Variants in ARHGEF1 observed in about 807,000 individuals in gnomAD.
The protein encoded by ARHGEF1 is Rho guanine nucleotide exchange factor 1.
In ARHGEF1, 40 loss-of-function variants were observed where a neutral mutation model predicts 119.7. The ratio of observed to expected loss-of-function variants is 0.33; its 90% CI spans 0.26 to 0.44. The LOEUF is 0.44. Ranked by LOEUF, ARHGEF1 falls within the 20% of genes least tolerant of loss-of-function variation. ARHGEF1 has a pLI of 1.00. For missense variants in ARHGEF1, 976 were observed against 1,268.3 expected (o/e 0.77, Z 3.50); for synonymous variants, 494 against 521.0 (o/e 0.95, Z 0.71).
At position 41,903,260 on chromosome 19, in the gene ARHGEF1, C is replaced by T. The variant is rs1192325108; in HGVS notation, c.1739-47C>T. 6.4e-7 allele frequency: 1 copy of T among 1,567,774 alleles called. No homozygotes were observed. The highest frequency in any genetic ancestry group is 8.8e-7 in the Non-Finnish European group (1 of 1,139,886). On this transcript the variant is annotated intron_variant, in intron 18 of 28. Transcript: ENST00000354532. The surrounding 1 kb of genome is among the most constrained non-coding windows in gnomAD (Gnocchi z 4.2). ...CTAACCTTGGCTGCCCAATCTGGAG[C>T]CTCCAGGGCAGGGGTTCACCAGAGC...
intron 1 of ARHGEF1, chr19:41,928,583 G>GAT (rs1267534270): frequency 2.7e-5 from 5 of 182,774 alleles, no homozygotes; most frequent in Non-Finnish European, 4.6e-5. Context: ...TCGGCTCGCA[G>GAT]ATATATGGAG....
At position 41,903,428 on chromosome 19, in the gene ARHGEF1, C is replaced by T. The variant is rs782344496; in HGVS notation, c.1839+21C>T. 9 of 1,609,256 alleles carry T rather than the reference C, an allele frequency of 5.6e-6. No homozygotes were observed. In the South Asian group the frequency reaches 7.7e-5, roughly 14 times the overall value. ...TGCTGGTGAGCCTGGGCTGGCCCCA[C>T]ACCCGGGACAGTGGATGGTGTGAGA... On this transcript the variant is annotated intron_variant, in intron 19 of 28. Coordinates refer to ENST00000354532, the MANE Select transcript of ARHGEF1 (RefSeq NM_004706.4). The surrounding 1 kb of genome is among the most constrained non-coding windows in gnomAD (Gnocchi z 4.2).
rs1464070216 is a variant in ARHGEF1, at chr19:41,892,573, G to A, written c.368-30G>A. Reference sequence around the variant, plus strand: ...CCGTGGTCCAAGCCACCAGGGAGCTGGACCCTAGCCCCCATGTGTGTCCCT... The same window carrying A: ...CCGTGGTCCAAGCCACCAGGGAGCTAGACCCTAGCCCCCATGTGTGTCCCT... On this transcript the variant is annotated intron_variant, in intron 6 of 28. Transcript: ENST00000354532. This position sits in a 1 kb window ranked among gnomAD's most constrained non-coding sequence, Gnocchi z 6.3. The A allele has an allele frequency of 6.4e-7, 1 of 1,567,754 alleles. No homozygotes were observed. The highest frequency in any genetic ancestry group is 8.7e-7 in the Non-Finnish European group (1 of 1,152,106).
Position 41,906,166 on chromosome 19 carries a change from C to T in ARHGEF1, c.2491+141C>T, listed in dbSNP as rs1233749996. On this transcript the variant is annotated intron_variant, in intron 26 of 28. Coordinates refer to ENST00000354532, the MANE Select transcript of ARHGEF1 (RefSeq NM_004706.4). The surrounding 1 kb of genome is among the most constrained non-coding windows in gnomAD (Gnocchi z 4.5). The stretch of plus-strand genomic sequence containing the variant: ...TGCTCCAAACCCACCCAGCCTGCAC[C>T]ACTGTCCTGGGTGCCCACGTCCCTC... 8.6e-6 allele frequency: 7 copies of T among 813,052 alleles called. No homozygotes were observed. The highest frequency in any genetic ancestry group is 6.6e-5 in the South Asian group (4 of 60,964). The allele number at this position is 813,052 out of a possible 1,614,324, so 50.4% of individuals were successfully genotyped here.
At position 41,902,676 on chromosome 19, in the gene ARHGEF1, C is replaced by T. The variant is rs782345775; in HGVS notation, c.1623+18C>T. The T allele has an allele frequency of 3.7e-6, 6 of 1,613,982 alleles. 1 individual carries two copies. The South Asian group carries it at 4.4e-5, about 12-fold the overall frequency. ...TCGTGCAGGTGAGGTGGGGTCTGGA[C>T]TCCAGCTTCCCAGGGAGGAGGGGCC... is the stretch of plus-strand genomic sequence containing the variant. On this transcript the variant is annotated intron_variant, in intron 17 of 28. Transcript: ENST00000354532. The surrounding 1 kb of genome is among the most constrained non-coding windows in gnomAD (Gnocchi z 6.5).
rs782199150 is a variant in ARHGEF1 at position 41,905,719 on chromosome 19, G to T, written c.2337-41G>T. The T allele has an allele frequency of 1.2e-6, 2 of 1,609,826 alleles. No homozygotes were observed. The highest frequency in any genetic ancestry group is 3.3e-5 in the Admixed American group (2 of 59,806). On this transcript the variant is annotated intron_variant, in intron 24 of 28. Transcript: ENST00000354532. This position sits in a 1 kb window ranked among gnomAD's most constrained non-coding sequence, Gnocchi z 6.4. The stretch of plus-strand genomic sequence containing the variant: ...GTCTCCCTGCCCCTGCGGCCCCCCA[G>T]GGCCAGGGGTGTGGGGTCACCCAGC...
At chr19:41,913,958 C>A (rs1476003203) in intron 18 of ARHGEF1, among the ~76,000 whole-genome samples, 1 of 150,812 alleles carries the variant, frequency 6.6e-6, no homozygotes, top group African/African-American at 2.4e-5. Flanking sequence ...ACCCCCCAGA[C>A]GCTCTCAAAA....
downstream of ARHGEF1, chr19:41,909,911 CG>C: frequency 6.2e-7 from 1 of 1,613,582 alleles, no homozygotes; most frequent in South Asian, 1.1e-5. The surrounding 1 kb of genome is among the most constrained non-coding windows in gnomAD (Gnocchi z 5.2). Flanking sequence ...CTTGCATTTG[CG>C]AATACCCCAC....
Position 41,906,865 on chromosome 19 carries a change from G to A in ARHGEF1, c.*17+62G>A, listed in dbSNP as rs1175885344. On this transcript the variant is annotated intron_variant, in intron 28 of 28. Coordinates refer to ENST00000354532, the MANE Select transcript of ARHGEF1 (RefSeq NM_004706.4). The surrounding 1 kb of genome is among the most constrained non-coding windows in gnomAD (Gnocchi z 4.5). ...AAAGGAGGGTCCCCCTCCAGAGCTC[G>A]CATCCCTACAGCCCCTTCTGTCCAT... 20 of 1,312,554 alleles carry A rather than the reference G, an allele frequency of 1.5e-5. No homozygotes were observed. Among genetic ancestry groups the A allele is most frequent in the Non-Finnish European group, 1.8e-5 (17 of 952,556 alleles). 81.3% of individuals were successfully genotyped at this position (1,312,554 alleles called of 1,614,324 possible).
At chr19:41,911,732 A>G (rs1215465121), downstream of ARHGEF1, among the ~76,000 whole-genome samples, 2 of 152,164 alleles carry the variant, frequency 1.3e-5, no homozygotes, top group African/African-American at 4.8e-5. Flanking sequence ...TGTATCACAG[A>G]CACACCCACA....
intron 1 of ARHGEF1, chr19:41,884,414 G>A: frequency 6.3e-7 from 1 of 1,598,792 alleles, no homozygotes; most frequent in Non-Finnish European, 8.5e-7. Context: ...CGCGGCGGCA[G>A]GGGTGGGGAG....
exon 3 of ARHGEF1, chr19:41,930,011 G>T: frequency 6.6e-6 from 1 of 152,386 alleles, no homozygotes. Context: ...CTCCTAGAGT[G>T]GTTGGGAAGG....
chr19:41,909,509 G>C (rs1342885466), downstream of ARHGEF1: 2 of 1,247,762 alleles, frequency 1.6e-6, no homozygotes. This position sits in a 1 kb window ranked among gnomAD's most constrained non-coding sequence, Gnocchi z 5.2. Flanking sequence ...GGTGCAGGGG[G>C]AGCCCTGGGG....
upstream of ARHGEF1, among the ~76,000 whole-genome samples, chr19:41,921,049 G>A (rs868973705): frequency 7.2e-5 from 11 of 152,246 alleles, no homozygotes; most frequent in African/African-American, 2.7e-4. The surrounding 1 kb of genome is among the most constrained non-coding windows in gnomAD (Gnocchi z 4.4). Context: ...TGTCAGTTGA[G>A]GGGTGGCGAG....
In ARHGEF1 at chr19:41,916,214, A is replaced by T. The variant is rs112123104; in HGVS notation, c.1866-6878A>T. Among the ~76,000 whole-genome samples, 4,075 of 151,256 alleles carry T rather than the reference A, an allele frequency of 0.027. 186 individuals carry two copies. Among genetic ancestry groups the T allele is most frequent in the African/African-American group, 0.093 (3,836 of 41,208 alleles). On this transcript the variant is annotated intron_variant, in intron 18 of 20. Transcript: ENST00000599589. The surrounding 1 kb of genome is among the most constrained non-coding windows in gnomAD (Gnocchi z 5.4). Reference sequence around the variant, plus strand: ...GTCCCACACAGCACACATCGCACAGATGCACACACCAGCACAGCCACACAC... The same window carrying T: ...GTCCCACACAGCACACATCGCACAGTTGCACACACCAGCACAGCCACACAC...
In ARHGEF1 at chr19:41,902,863, AC is replaced by A; in HGVS notation, c.1708del (p.Leu570CysfsTer44). On this transcript the variant is annotated frameshift_variant, in exon 18 of 29. Transcript: ENST00000354532. LOFTEE classifies it high-confidence loss of function. The surrounding 1 kb of genome is among the most constrained non-coding windows in gnomAD (Gnocchi z 6.5). ...IPTEMQRLTK[Y>X]PLLLQSIGQN... ...ACGGAGATGCAGCGGCTGACCAAGT[AC>A]CCCCTGCTCCTGCAGAGCATCGGGC... 1 of 1,612,186 alleles carries A rather than the reference AC, an allele frequency of 6.2e-7. No individual in the cohort carries two copies. The highest frequency in any genetic ancestry group is 8.5e-7 in the Non-Finnish European group (1 of 1,179,668).
intron 18 of ARHGEF1, among the ~76,000 whole-genome samples, chr19:41,915,381 C>A (rs1375088676): frequency 2.0e-5 from 3 of 151,632 alleles, no homozygotes; most frequent in Non-Finnish European, 2.9e-5. Flanking sequence ...TTGCCCATCG[C>A]CTCTGCCGCC....
rs2074332954 is a variant in ARHGEF1, at chr19:41,888,754, C to G, written c.114C>G (p.Asn38Lys). Residue 38 changes from asparagine to lysine, a missense_variant and splice_region_variant, in exon 4 of 29, where the codon AAC becomes AAG. Physicochemically the swap from Asn to Lys is moderately conservative, Grantham distance 94 (BLOSUM62 0). Transcript: ENST00000354532. This position sits in a 1 kb window ranked among gnomAD's most constrained non-coding sequence, Gnocchi z 5.1. ...DEDFENELET[N>K]SEEQNSQFQS... Reference sequence around the variant, plus strand: ...CTCACCCCTTCCTGCACCCCCAGAACTCAGAAGAGCAAAACAGCCAGTTCC... The same window carrying G: ...CTCACCCCTTCCTGCACCCCCAGAAGTCAGAAGAGCAAAACAGCCAGTTCC... 6.2e-7 allele frequency: 1 copy of G among 1,614,052 alleles called. No individual in the cohort carries two copies. The highest frequency in any genetic ancestry group is 1.1e-5 in the South Asian group (1 of 91,088).
intron 14 of ARHGEF1, among the ~76,000 whole-genome samples, chr19:41,899,280 G>A (rs2074560658): frequency 6.6e-6 from 1 of 151,866 alleles, no homozygotes; most frequent in African/African-American, 2.4e-5. Context: ...TGAGCCACCA[G>A]GCCCAGTCAA....
Sources: gnomAD v4.1 joint callset for allele counts (sites outside exome capture counted in the v4.1 genomes callset) on GRCh38, gnomAD v4.1.1 for gene constraint, Gnocchi (gnomAD v3.1) non-coding constraint, MANE v1.5 for transcripts, NCBI Gene and HGNC (gene_info 2026-07-23, HGNC 2026-07-21) for gene names.